The following MGAT4C variants were observed in gnomAD, a reference collection of about 807,000 sequenced individuals.
The protein encoded by MGAT4C is alpha-1,3-mannosyl-glycoprotein 4-beta-N-acetylglucosaminyltransferase C.
In MGAT4C, 19 loss-of-function variants were observed where a neutral mutation model predicts 40.1. The ratio of observed to expected loss-of-function variants is 0.47; its 90% CI spans 0.33 to 0.70. The LOEUF (loss-of-function observed/expected upper bound fraction) is 0.70, where lower values mean the gene tolerates loss of function less well. Ranked by LOEUF, MGAT4C falls within the 30% of genes least tolerant of loss-of-function variation. The probability of loss-of-function intolerance (pLI) is 0.02; values close to 1 mark genes in which losing one functional copy is unlikely to be tolerated. For synonymous variants in MGAT4C, 181 were observed against 187.1 expected (o/e 0.97, Z 0.27); for missense variants, 491 against 563.2 (o/e 0.87, Z 1.30).
At chr12:86,002,756 A>T (rs978153453) in intron 2 of MGAT4C, among the ~76,000 whole-genome samples, 1 of 150,668 alleles carries the variant, frequency 6.6e-6, no homozygotes, top group East Asian at 1.9e-4. Flanking sequence ...ATATCATAAT[A>T]TATATGAGAT....
chr12:86,207,671 C>A (rs969420298), intron 1 of MGAT4C, among the ~76,000 whole-genome samples: 3 of 152,032 alleles, frequency 2.0e-5, no homozygotes, highest in Non-Finnish European at 4.4e-5. Context: ...ATAAATACAG[C>A]AAATAATTTA....
intron 3 of MGAT4C, among the ~76,000 whole-genome samples, chr12:86,401,076 T>G (rs1956350337): frequency 1.3e-5 from 2 of 152,132 alleles, no homozygotes; most frequent in Admixed American, 1.3e-4. Flanking sequence ...AAAAATAATT[T>G]TGAATTTATC....
In MGAT4C at chr12:86,693,243, A is replaced by T. The variant is rs184537715; in HGVS notation, c.-229+33966T>A. Among the ~76,000 whole-genome samples the T allele has an allele frequency of 1.1e-3, 171 of 152,332 alleles. 1 individual carries two copies. The highest frequency in any genetic ancestry group is 3.8e-3 in the African/African-American group (157 of 41,574). ...CTACTTCACTCCATTTTATTCTAAA[A>T]ATATGATTTATTATTATGTCATGTA... On this transcript the variant is annotated intron_variant, in intron 2 of 7. Coordinates refer to the MGAT4C transcript ENST00000548651.
chr12:86,442,435 A>T (rs1021222889), intron 2 of MGAT4C, among the ~76,000 whole-genome samples: 1 of 152,134 alleles, frequency 6.6e-6, no homozygotes, highest in East Asian at 1.9e-4. Flanking sequence ...TATGTCCTGA[A>T]TGGTATTGAC....
chr12:86,663,402 AAAAAGT>A (rs1964027935), intron 2 of MGAT4C, among the ~76,000 whole-genome samples: 1 of 151,658 alleles, frequency 6.6e-6, no homozygotes, highest in Non-Finnish European at 1.5e-5. Flanking sequence ...AAACCAAAAG[AAAAAGT>A]AAAAGAAAGA....
intron 2 of MGAT4C, among the ~76,000 whole-genome samples, chr12:86,609,676 G>C (rs535442570): frequency 2.0e-5 from 3 of 151,850 alleles, no homozygotes; most frequent in African/African-American, 7.2e-5. Context: ...TTAAAGGAAT[G>C]TCCAAAGGAA....
At chr12:86,717,962 T>A (rs1448283970) in intron 2 of MGAT4C, among the ~76,000 whole-genome samples, 1 of 152,202 alleles carries the variant, frequency 6.6e-6, no homozygotes, top group Non-Finnish European at 1.5e-5. Flanking sequence ...TCTGAAAATT[T>A]ATGTTAACCA....
chr12:86,605,285 TAGTC>T (rs1319867896), intron 2 of MGAT4C, among the ~76,000 whole-genome samples: 7 of 152,050 alleles, frequency 4.6e-5, no homozygotes, highest in Non-Finnish European at 8.8e-5. Context: ...ATATATATAT[TAGTC>T]AGTTTCAGGG....
rs17014007 is a variant in MGAT4C at position 86,421,210 on chromosome 12, A to G, written c.-120+13947T>C. ...AAATTGAGCATTTCTATGTAACAGCATTAATGATCAGATAATCAATTACAC... is the reference window on the plus strand; with the variant it reads ...AAATTGAGCATTTCTATGTAACAGCGTTAATGATCAGATAATCAATTACAC... On this transcript the variant is annotated intron_variant, in intron 3 of 7. Transcript: ENST00000548651. Among the ~76,000 whole-genome samples, 362 of 152,250 alleles carry G rather than the reference A, an allele frequency of 2.4e-3. 1 individual carries two copies. The highest frequency in any genetic ancestry group is 8.6e-3 in the African/African-American group (356 of 41,556).
rs1470034385 is a variant in MGAT4C at position 86,817,973 on chromosome 12, T to A, written c.-262+20693A>T. Among the ~76,000 whole-genome samples the A allele has an allele frequency of 2.0e-5, 3 of 151,382 alleles. No homozygotes were observed. In the East Asian group the frequency reaches 5.8e-4, roughly 29 times the overall value. The stretch of plus-strand genomic sequence containing the variant: ...TTTAAAAAACAAACAAGACAATACA[T>A]AAATATAACTTACCTGAAGAACTAT... On this transcript the variant is annotated intron_variant, in intron 1 of 7. Coordinates refer to the MGAT4C transcript ENST00000548651.
chr12:86,305,206 G>A (rs185161008), intron 4 of MGAT4C, among the ~76,000 whole-genome samples: 17 of 150,442 alleles, frequency 1.1e-4, no homozygotes, highest in Admixed American at 3.9e-4. Context: ...TTGGGAGGCC[G>A]AAGCAGGCGG....
In MGAT4C at chr12:86,648,414, G is replaced by A. The variant is rs1963606354; in HGVS notation, c.-229+78795C>T. Among the ~76,000 whole-genome samples the A allele has an allele frequency of 2.0e-5, 3 of 151,870 alleles. No homozygotes were observed. In the South Asian group the frequency reaches 6.2e-4, roughly 31 times the overall value. On this transcript the variant is annotated intron_variant, in intron 2 of 7. Transcript: ENST00000548651. ...CTACAATGTAATATTATTTGGTGAT[G>A]GGGCCTTTGGGAGGTTATTAGAGTA...
At chr12:86,486,227 T>A (rs774054744) in intron 2 of MGAT4C, among the ~76,000 whole-genome samples, 1 of 152,092 alleles carries the variant, frequency 6.6e-6, no homozygotes, top group African/African-American at 2.4e-5. Flanking sequence ...CCCTGGAACG[T>A]AAATGGTCTA....
chr12:86,730,704 CTG>C (rs1233464757), intron 1 of MGAT4C, among the ~76,000 whole-genome samples: 1 of 152,012 alleles, frequency 6.6e-6, no homozygotes, highest in Non-Finnish European at 1.5e-5. Flanking sequence ...TAAAATACTG[CTG>C]TGTTTTTGGA....
intron 4 of MGAT4C, among the ~76,000 whole-genome samples, chr12:86,277,493 T>C (rs547055334): frequency 6.6e-6 from 1 of 152,322 alleles, no homozygotes; most frequent in South Asian, 2.1e-4. Flanking sequence ...GGAGACTTTT[T>C]CCATTGTTTC....
At chr12:86,771,722 G>A (rs916706401) in intron 1 of MGAT4C, among the ~76,000 whole-genome samples, 1 of 119,962 alleles carries the variant, frequency 8.3e-6, no homozygotes, top group African/African-American at 3.1e-5. Context: ...GTGTGTGTGT[G>A]TATGTGTGTG....
chr12:86,071,441 G>T (rs1363014057), intron 1 of MGAT4C, among the ~76,000 whole-genome samples: 2 of 151,976 alleles, frequency 1.3e-5, no homozygotes, highest in African/African-American at 4.8e-5. Context: ...TAACAGTATT[G>T]TTTAGGCCAT....
At chr12:86,022,681 C>T (rs955670177) in intron 2 of MGAT4C, 1 of 152,562 alleles carries the variant, frequency 6.6e-6, no homozygotes, top group Non-Finnish European at 1.5e-5. Context: ...TGCACTTCAG[C>T]CTGAGTGACA....
intron 1 of MGAT4C, among the ~76,000 whole-genome samples, chr12:86,766,623 G>A (rs1370433785): frequency 6.7e-6 from 1 of 149,832 alleles, no homozygotes; most frequent in Non-Finnish European, 1.5e-5. Context: ...TGGAAGTAAA[G>A]CTCTCCTCAG....
Sources: allele counts gnomAD v4.1 joint callset (sites outside exome capture counted in the v4.1 genomes callset), GRCh38; gene constraint gnomAD v4.1.1; transcripts MANE v1.5; gene names NCBI Gene and HGNC (gene_info 2026-07-23, HGNC 2026-07-21).